The following CNTLN variants were observed in gnomAD, a reference collection of about 807,000 sequenced individuals.
CNTLN encodes the protein centlein, centrosomal protein.
In CNTLN, 212 loss-of-function variants were observed where a neutral mutation model predicts 180.0. The observed-to-expected ratio is 1.18, with a 90% CI of 1.05 to 1.32. The LOEUF (loss-of-function observed/expected upper bound fraction) is 1.32. Ranked by LOEUF, CNTLN falls within the 40% of genes most tolerant of loss-of-function variation. The pLI is 0.00. For missense variants in CNTLN, 2,095 were observed against 1,610.9 expected, an observed-to-expected ratio of 1.30 and a Z score of -5.14; for synonymous variants, 722 against 563.1, an observed-to-expected ratio of 1.28 and a Z score of -3.99.
chr9:17,189,813 G>A (rs1821682049), intron 2 of CNTLN, among the ~76,000 whole-genome samples: 3 of 151,864 alleles, frequency 2.0e-5, no homozygotes, highest in Admixed American at 2.0e-4. Flanking sequence ...ATCGTTCTGG[G>A]GACTGTACTT....
chr9:17,203,808 CG>C (rs1368561457), intron 2 of CNTLN, among the ~76,000 whole-genome samples: 2 of 152,208 alleles, frequency 1.3e-5, no homozygotes, highest in African/African-American at 2.4e-5. Context: ...CCACCCGCCT[CG>C]GCCTCCCGAA....
intron 24 of CNTLN, among the ~76,000 whole-genome samples, chr9:17,486,291 GTAAATTTCAACAAATAATA>G (rs796712599): frequency 1.8e-4 from 10 of 54,142 alleles, no homozygotes; most frequent in East Asian, 5.8e-4. Context: ...CTGCCATACA[GTAAATTTCAACAAATAATA>G]GTTTCTCACG....
chr9:17,383,183 G>C (rs1468294262), intron 13 of CNTLN, among the ~76,000 whole-genome samples: 5 of 152,010 alleles, frequency 3.3e-5, no homozygotes, highest in African/African-American at 4.8e-5. Context: ...CTATATAAAT[G>C]ATTTATACAC....
At chr9:17,495,701 A>T (rs1833414721) in intron 25 of CNTLN, among the ~76,000 whole-genome samples, 1 of 152,196 alleles carries the variant, frequency 6.6e-6, no homozygotes, top group Admixed American at 6.5e-5. Flanking sequence ...ACAGTAGTGT[A>T]CAGTAATGTC....
At chr9:17,155,007 A>G (rs1245638093) in intron 2 of CNTLN, among the ~76,000 whole-genome samples, 1 of 152,176 alleles carries the variant, frequency 6.6e-6, no homozygotes, top group Non-Finnish European at 1.5e-5. Context: ...GAAGTCAGCA[A>G]GACCACGAAC....
At chr9:17,154,359 T>C (rs1819110096) in intron 2 of CNTLN, among the ~76,000 whole-genome samples, 1 of 152,226 alleles carries the variant, frequency 6.6e-6, no homozygotes, top group African/African-American at 2.4e-5. Context: ...GTGCTAATCC[T>C]TTCTGTTTGT....
chr9:17,427,556 A>G (rs938954820), intron 18 of CNTLN, among the ~76,000 whole-genome samples: 1 of 151,922 alleles, frequency 6.6e-6, no homozygotes, highest in African/African-American at 2.4e-5. Context: ...TTTTTTTTCT[A>G]AATTATTTAC....
chr9:17,462,979 G>T lies in CNTLN; in HGVS notation c.3370G>T (p.Ala1124Ser). Residue 1124 changes from alanine (A) to serine (S), a missense_variant, in exon 20 of 26, where the codon GCA (alanine) becomes TCA (serine). By Grantham distance (99) the Ala-to-Ser change is moderately conservative. Coordinates refer to ENST00000380647, the MANE Select transcript of CNTLN (RefSeq NM_017738.4). ...NVKTLKFELLAKEEHIKEMHE... is the reference protein window; with the variant it reads ...NVKTLKFELLSKEEHIKEMHE... ...GAAGACTTTGAAATTTGAACTCCTA[G>T]CAAAAGAAGAACACATAAAGGAAAT... The T allele has an allele frequency of 6.3e-7, 1 of 1,584,666 alleles. No individual in the cohort carries two copies. Among genetic ancestry groups the T allele is most frequent in the Non-Finnish European group, 8.6e-7 (1 of 1,168,484 alleles).
chr9:17,366,287 G>A (rs1403604347), intron 12 of CNTLN, among the ~76,000 whole-genome samples: 1 of 132,120 alleles, frequency 7.6e-6, no homozygotes, highest in Non-Finnish European at 1.6e-5. Flanking sequence ...AACCATGATG[G>A]GCTAGTTGTT....
chr9:17,339,891 T>C (rs899360327), intron 10 of CNTLN, among the ~76,000 whole-genome samples: 1 of 152,166 alleles, frequency 6.6e-6, no homozygotes, highest in African/African-American at 2.4e-5. Flanking sequence ...CGGTGGCTTA[T>C]GCCTGTAATT....
chr9:17,461,921 G>A (rs1023399291), intron 19 of CNTLN, among the ~76,000 whole-genome samples: 5 of 151,702 alleles, frequency 3.3e-5, no homozygotes, highest in African/African-American at 9.7e-5. Context: ...TAACACTCTA[G>A]TTACCACCTC....
At chr9:17,218,270 A>C (rs953467990) in intron 2 of CNTLN, among the ~76,000 whole-genome samples, 5 of 152,184 alleles carry the variant, frequency 3.3e-5, no homozygotes, top group African/African-American at 1.2e-4. Flanking sequence ...TGAGCCTTTA[A>C]AACATTTTAT....
chr9:17,213,687 G>A (rs1007509113), intron 2 of CNTLN, among the ~76,000 whole-genome samples: 1 of 152,154 alleles, frequency 6.6e-6, no homozygotes, highest in African/African-American at 2.4e-5. Flanking sequence ...TTGTGTGGGA[G>A]TCTAAGTCTC....
Position 17,151,584 on chromosome 9 carries a change from G to A in CNTLN, c.449+8208G>A, listed in dbSNP as rs571691518. Among the ~76,000 whole-genome samples, 806 of 152,226 alleles carry A rather than the reference G, an allele frequency of 5.3e-3. 10 individuals are homozygous for A. Among genetic ancestry groups the A allele is most frequent in the Non-Finnish European group, 6.2e-3 (425 of 68,016 alleles). On this transcript the variant is annotated intron_variant, in intron 2 of 25. Coordinates refer to ENST00000380647, the MANE Select transcript of CNTLN (RefSeq NM_017738.4). ...TGCCACTATTTTATTGAGGATTTTC[G>A]CATTGATGTTCATCAGGGATATTGG...
At chr9:17,281,142 T>A (rs1464187150) in intron 6 of CNTLN, among the ~76,000 whole-genome samples, 4 of 152,188 alleles carry the variant, frequency 2.6e-5, no homozygotes, top group Non-Finnish European at 4.4e-5. Context: ...TACTTTTTCT[T>A]CACTTTTCTT....
rs750054863 is a variant in CNTLN at position 17,298,319 on chromosome 9, T to A, written c.1113T>A (p.Asp371Glu). The change falls in exon 7 of 26, where the codon GAT becomes GAA. Residue 371 changes from aspartate (D) to glutamate (E), a missense_variant. By Grantham distance (45) the Asp-to-Glu change is conservative. Coordinates refer to ENST00000380647, the MANE Select transcript of CNTLN (RefSeq NM_017738.4). ...DTQKVLRNQE[D>E]VHTAESISYQ... ...AAAAAGTACTGAGAAATCAGGAAGA[T>A]GTTCACACAGCTGAAAGTATATCAT... 3 of 1,613,188 alleles carry A rather than the reference T, an allele frequency of 1.9e-6. No homozygotes were observed. The highest frequency in any genetic ancestry group is 3.3e-4 in the Middle Eastern group (2 of 6,056).
chr9:17,328,160 G>A (rs1247052387), intron 8 of CNTLN, among the ~76,000 whole-genome samples: 2 of 152,036 alleles, frequency 1.3e-5, no homozygotes, highest in Non-Finnish European at 2.9e-5. Flanking sequence ...ACTTTTCTCA[G>A]TTTATCATAG....
At position 17,420,474 on chromosome 9, in the gene CNTLN, T is replaced by A. The variant is rs532354889; in HGVS notation, c.3114+4285T>A. Among the ~76,000 whole-genome samples the A allele has an allele frequency of 2.0e-5, 3 of 152,312 alleles. No individual in the cohort carries two copies. The South Asian group carries it at 6.2e-4, about 32-fold the overall frequency. On this transcript the variant is annotated intron_variant, in intron 18 of 25. Coordinates refer to ENST00000380647, the MANE Select transcript of CNTLN (RefSeq NM_017738.4). ...TTCTTGGTCTGGTTAAAGGTTTGTA[T>A]GTTTTGTTTTACTTTTTGAGAAACC... is the stretch of plus-strand genomic sequence containing the variant.
intron 6 of CNTLN, among the ~76,000 whole-genome samples, chr9:17,280,478 T>C (rs1587470814): frequency 2.0e-5 from 3 of 152,226 alleles, no homozygotes; most frequent in African/African-American, 7.2e-5. Context: ...ACAACTGTTT[T>C]TACATAGCCT....
Sources: allele counts gnomAD v4.1 joint callset (sites outside exome capture counted in the v4.1 genomes callset), GRCh38; gene constraint gnomAD v4.1.1; transcripts MANE v1.5; gene names NCBI Gene and HGNC (gene_info 2026-07-23, HGNC 2026-07-21).